C1orf146: variants seen among roughly 807,000 people sequenced by gnomAD.
C1orf146 encodes the protein protein SPO16 homolog.
In C1orf146, 22 loss-of-function variants were observed where a neutral mutation model predicts 23.0. The observed-to-expected ratio is 0.96, with a 90% CI of 0.68 to 1.36. The LOEUF is 1.36. Among genes scored for constraint, C1orf146 ranks in the 40% most tolerant of loss-of-function variants. C1orf146 has a pLI of 0.00. For missense variants in C1orf146, 199 were observed against 206.8 expected (o/e 0.96, Z 0.23); for synonymous variants, 59 against 65.3 (o/e 0.90, Z 0.47).
intron 1 of C1orf146, among the ~76,000 whole-genome samples, chr1:92,224,546 G>T (rs1651919355): frequency 6.6e-6 from 1 of 152,170 alleles, no homozygotes; most frequent in African/African-American, 2.4e-5. Flanking sequence ...TTTGGATATG[G>T]TGTACGGAAT....
chr1:92,236,489 G>C (rs1484888974), intron 2 of C1orf146, among the ~76,000 whole-genome samples: 3 of 152,148 alleles, frequency 2.0e-5, no homozygotes, highest in Admixed American at 1.3e-4. Context: ...CTGTTAGTCT[G>C]ATGGGCTTCC....
intron 1 of C1orf146, chr1:92,229,110 G>C: frequency 2.0e-6 from 1 of 506,276 alleles, no homozygotes. Flanking sequence ...GGTCAGGATG[G>C]AGCCGCCGAT....
intron 5 of C1orf146, 100 bp downstream of exon 5, chr1:92,244,957 C>T: frequency 1.5e-6 from 1 of 687,016 alleles, no homozygotes; most frequent in Non-Finnish European, 2.5e-6. Context: ...TATCATGCTT[C>T]TGTTCCCCTG....
At chr1:92,241,961 G>A (rs1035970472) in intron 2 of C1orf146, among the ~76,000 whole-genome samples, 2 of 152,106 alleles carry the variant, frequency 1.3e-5, no homozygotes, top group African/African-American at 4.8e-5. Context: ...CTGTCTTTAA[G>A]TTCTGTTCCT....
At position 92,231,504 on chromosome 1, in the gene C1orf146, C is replaced by T. The variant is rs1043230423; in HGVS notation, c.66+18C>T. ...CTCTTAAGGTAAAGGGGCATTTGGG[C>T]CACTGATCTTTAACTTAAAAAAATT... On this transcript the variant is annotated intron_variant, in intron 2 of 5. Coordinates refer to ENST00000370375, the MANE Select transcript of C1orf146 (RefSeq NM_001012425.2). 1.9e-6 allele frequency: 3 copies of T among 1,559,060 alleles called. No homozygotes were observed. In the African/African-American group the frequency reaches 4.1e-5, roughly 21 times the overall value.
At chr1:92,242,754 A>G (rs1201515119) in intron 3 of C1orf146, among the ~76,000 whole-genome samples, 3 of 152,230 alleles carry the variant, frequency 2.0e-5, no homozygotes, top group Non-Finnish European at 4.4e-5. Flanking sequence ...TCATGAAATG[A>G]CAACTGATAT....
chr1:92,222,364 G>A lies in C1orf146; in HGVS notation c.-40+4316G>A, dbSNP rs568308788. 1.6e-4 allele frequency among the ~76,000 whole-genome samples: 24 copies of A among 148,784 alleles called. No homozygotes were observed. In the South Asian group the frequency reaches 5.1e-3, roughly 32 times the overall value. On this transcript the variant is annotated intron_variant, in intron 1 of 5. Coordinates refer to ENST00000370375, the MANE Select transcript of C1orf146 (RefSeq NM_001012425.2). Reference sequence around the variant, plus strand: ...TGTGTATATATAATGTAACATGCATGTATATATAACATATATAACATGCAT... The same window carrying A: ...TGTGTATATATAATGTAACATGCATATATATATAACATATATAACATGCAT...
rs191064820 is a variant in C1orf146 at position 92,222,859 on chromosome 1, T to C, written c.-40+4811T>C. Among the ~76,000 whole-genome samples the C allele has an allele frequency of 2.8e-3, 423 of 152,228 alleles. 1 individual carries two copies. Among genetic ancestry groups the C allele is most frequent in the Middle Eastern group, 0.014 (4 of 292 alleles). On this transcript the variant is annotated intron_variant, in intron 1 of 5. Transcript: ENST00000370375. The stretch of plus-strand genomic sequence containing the variant: ...CCTCGGCCTCCCAAAGTGCTGGGAT[T>C]ACAGGTGTGAGCCACGGCGCCTGGC...
intron 2 of C1orf146, among the ~76,000 whole-genome samples, chr1:92,233,819 C>T (rs554869280): frequency 1.3e-5 from 2 of 152,116 alleles, no homozygotes; most frequent in African/African-American, 2.4e-5. Flanking sequence ...TTGAAGAGGT[C>T]CTTCACATCC....
At chr1:92,223,559 G>A (rs1054370484) in intron 1 of C1orf146, among the ~76,000 whole-genome samples, 8 of 152,064 alleles carry the variant, frequency 5.3e-5, no homozygotes, top group African/African-American at 1.9e-4. Context: ...TTTTGAGAAA[G>A]TCTTGCTCTG....
intron 2 of C1orf146, among the ~76,000 whole-genome samples, chr1:92,239,993 G>A (rs1479378663): frequency 2.0e-5 from 3 of 152,076 alleles, no homozygotes; most frequent in Non-Finnish European, 4.4e-5. Context: ...TGTACATCTG[G>A]CTATGAGAGA....
intron 2 of C1orf146, among the ~76,000 whole-genome samples, chr1:92,241,220 ATTATTATT>A (rs1202334121): frequency 1.7e-5 from 2 of 120,046 alleles, no homozygotes; most frequent in African/African-American, 5.9e-5. Context: ...TATTATTATT[ATTATTATT>A]TGAGACAGGG....
intron 1 of C1orf146, among the ~76,000 whole-genome samples, chr1:92,229,817 C>T (rs1382459175): frequency 6.6e-6 from 1 of 151,828 alleles, no homozygotes; most frequent in Non-Finnish European, 1.5e-5. Flanking sequence ...AGAAATCCTA[C>T]AAATATATAA....
intron 3 of C1orf146, 117 bp downstream of exon 3, chr1:92,242,422 T>A: frequency 2.3e-6 from 1 of 444,090 alleles, no homozygotes; most frequent in Non-Finnish European, 3.7e-6. Flanking sequence ...GGTAAATGTG[T>A]AAAACTTTGT....
At position 92,242,262 on chromosome 1, in the gene C1orf146, T is replaced by G; in HGVS notation, c.117T>G (p.Tyr39Ter). The change falls in exon 3 of 6, where the codon TAT becomes TAG. Residue 39 changes from tyrosine (Y) to a stop codon, truncating the protein, a stop_gained. Coordinates refer to ENST00000370375, the MANE Select transcript of C1orf146 (RefSeq NM_001012425.2). LOFTEE classifies it high-confidence loss of function. ...AAAATCGAAGCCACAAAGTTCGATA[T>G]TCAGATTCAGTGGAAAATGGATCAA... ...ALENRSHKVR[Y>*]SDSVENGSII... 5.6e-6 allele frequency: 9 copies of G among 1,603,688 alleles called. No individual in the cohort carries two copies. The highest frequency in any genetic ancestry group is 7.7e-6 in the Non-Finnish European group (9 of 1,174,310).
intron 2 of C1orf146, among the ~76,000 whole-genome samples, chr1:92,237,676 G>A (rs966791020): frequency 1.3e-5 from 2 of 152,186 alleles, no homozygotes; most frequent in African/African-American, 4.8e-5. Context: ...CGTTGCTCAT[G>A]CTGGGAGCTG....
chr1:92,232,929 G>T (rs1275579667), intron 2 of C1orf146, among the ~76,000 whole-genome samples: 1 of 152,092 alleles, frequency 6.6e-6, no homozygotes, highest in Non-Finnish European at 1.5e-5. Context: ...GTCTGTTCAT[G>T]TCCTTCACCC....
chr1:92,245,208 C>T (rs924057270), intron 5 of C1orf146, among the ~76,000 whole-genome samples: 1 of 152,188 alleles, frequency 6.6e-6, no homozygotes, highest in African/African-American at 2.4e-5. Context: ...TACCAATTGT[C>T]TACTTTCTTT....
chr1:92,220,793 T>G, intron 1 of C1orf146, among the ~76,000 whole-genome samples: 1 of 152,228 alleles, frequency 6.6e-6, no homozygotes, highest in Non-Finnish European at 1.5e-5. Context: ...AAAGAGACTT[T>G]AAACAAAAGC....
Sources: allele counts gnomAD v4.1 joint callset (sites outside exome capture counted in the v4.1 genomes callset), GRCh38; gene constraint gnomAD v4.1.1; transcripts MANE v1.5; gene names NCBI Gene and HGNC (gene_info 2026-07-23, HGNC 2026-07-21).